The following B3GALT1 variants were observed in gnomAD, a reference collection of about 807,000 sequenced individuals.
B3GALT1 encodes the protein beta-1,3-galactosyltransferase 1.
A neutral mutation model predicts 23.2 loss-of-function variants in B3GALT1; 10 were observed. The observed-to-expected ratio is 0.43, with a 90% CI of 0.27 to 0.73. The LOEUF (loss-of-function observed/expected upper bound fraction) is 0.73. Among genes scored for constraint, B3GALT1 ranks in the 30% least tolerant of loss-of-function variants. The pLI, the probability that B3GALT1 is intolerant of heterozygous loss-of-function variation, is 0.21. For synonymous variants in B3GALT1, 156 were observed against 141.5 expected, an observed-to-expected ratio of 1.10 and a Z score of -0.73; for missense variants, 299 against 405.4, an observed-to-expected ratio of 0.74 and a Z score of 2.25.
At chr2:167,855,720 A>G (rs1689987989) in intron 4 of B3GALT1, among the ~76,000 whole-genome samples, 2 of 152,154 alleles carry the variant, frequency 1.3e-5, no homozygotes, top group Non-Finnish European at 1.5e-5. Flanking sequence ...TCATGTGTTT[A>G]AAACAAGGAC....
At chr2:167,806,616 G>A (rs879387006) in intron 3 of B3GALT1, among the ~76,000 whole-genome samples, 41 of 152,238 alleles carry the variant, frequency 2.7e-4, no homozygotes, top group Non-Finnish European at 4.4e-4. Context: ...GCTGGATTAC[G>A]TTTATTGATT....
Position 167,590,319 on chromosome 2 carries a change from C to T in B3GALT1, c.-409-56590C>T, listed in dbSNP as rs907122722. Among the ~76,000 whole-genome samples, 5 of 146,530 alleles carry T rather than the reference C, an allele frequency of 3.4e-5. No homozygotes were observed. In the Admixed American group the frequency reaches 3.5e-4, roughly 10 times the overall value. On this transcript the variant is annotated intron_variant, in intron 2 of 4. Transcript: ENST00000392690. ...TGAGATCGTGCCACTGCACTCCAGCCTGGGCGACAGAGCAAGACTCTGTCT... is the reference window on the plus strand; with the variant it reads ...TGAGATCGTGCCACTGCACTCCAGCTTGGGCGACAGAGCAAGACTCTGTCT...
intron 3 of B3GALT1, among the ~76,000 whole-genome samples, chr2:167,806,040 T>G (rs1033012588): frequency 6.6e-6 from 1 of 152,146 alleles, no homozygotes; most frequent in African/African-American, 2.4e-5. Context: ...AAGAGGTCCT[T>G]CACATCCCTT....
chr2:167,346,981 G>C (rs149036728), intron 1 of B3GALT1, among the ~76,000 whole-genome samples: 62 of 152,194 alleles, frequency 4.1e-4, no homozygotes, highest in African/African-American at 1.4e-3. Flanking sequence ...TCATATAAAT[G>C]TAGTTATTAT....
intron 3 of B3GALT1, among the ~76,000 whole-genome samples, chr2:167,675,439 G>A (rs1686408772): frequency 6.6e-6 from 1 of 152,096 alleles, no homozygotes; most frequent in Non-Finnish European, 1.5e-5. Flanking sequence ...CAATCTAAAG[G>A]AAAAATATAT....
chr2:167,817,505 A>G (rs958617441), intron 3 of B3GALT1, among the ~76,000 whole-genome samples: 2 of 152,210 alleles, frequency 1.3e-5, no homozygotes, highest in African/African-American at 4.8e-5. Context: ...TGGCTGAGTC[A>G]GTCTCTAAAC....
intron 3 of B3GALT1, among the ~76,000 whole-genome samples, chr2:167,733,004 G>A (rs1304274382): frequency 6.6e-6 from 1 of 152,174 alleles, no homozygotes. Context: ...AAAGAAATAA[G>A]GCAAAAGGTT....
chr2:167,637,479 A>G (rs1685576651), intron 2 of B3GALT1, among the ~76,000 whole-genome samples: 1 of 151,988 alleles, frequency 6.6e-6, no homozygotes, highest in Non-Finnish European at 1.5e-5. Context: ...ATCACCCTCA[A>G]GTACTTCTCA....
At chr2:167,296,492 C>G (rs964910385) in intron 1 of B3GALT1, among the ~76,000 whole-genome samples, 2 of 151,994 alleles carry the variant, frequency 1.3e-5, no homozygotes, top group African/African-American at 4.8e-5. Context: ...CTCTTTCTTT[C>G]GCTCTCTCTC....
rs1258327429 is a variant in B3GALT1, at chr2:167,426,819, A to G, written c.-510-63358A>G. On this transcript the variant is annotated intron_variant, in intron 1 of 4. Transcript: ENST00000392690. ...TCCGCAAAATGATGTAGCATTATCA[A>G]GTTAAGTTGAAGATGCACATACCCT... Among the ~76,000 whole-genome samples the G allele has an allele frequency of 3.9e-5, 6 of 152,232 alleles. No individual in the cohort carries two copies. The East Asian group carries it at 9.6e-4, about 24-fold the overall frequency.
chr2:167,539,193 T>A (rs999987796), intron 2 of B3GALT1, among the ~76,000 whole-genome samples: 1 of 152,004 alleles, frequency 6.6e-6, no homozygotes, highest in Non-Finnish European at 1.5e-5. Context: ...TTTTCCCCAA[T>A]AGTGTAAACA....
At chr2:167,570,646 AAAAT>A (rs1382579386) in intron 2 of B3GALT1, among the ~76,000 whole-genome samples, 1 of 152,004 alleles carries the variant, frequency 6.6e-6, no homozygotes, top group Non-Finnish European at 1.5e-5. Context: ...GTTAAGTCAA[AAAAT>A]AAATACAGAA....
intron 2 of B3GALT1, among the ~76,000 whole-genome samples, chr2:167,498,759 A>C (rs554548585): frequency 9.2e-5 from 14 of 152,232 alleles, no homozygotes; most frequent in African/African-American, 3.4e-4. Context: ...TTCATATTCC[A>C]AGTCAATTCT....
intron 2 of B3GALT1, among the ~76,000 whole-genome samples, chr2:167,548,728 C>T (rs976708389): frequency 8.3e-6 from 1 of 120,384 alleles, no homozygotes; most frequent in African/African-American, 3.0e-5. Flanking sequence ...ATGTGTGTGT[C>T]TATGTATGAA....
intron 2 of B3GALT1, among the ~76,000 whole-genome samples, chr2:167,515,369 G>A (rs1335510268): frequency 6.6e-6 from 1 of 152,106 alleles, no homozygotes; most frequent in African/African-American, 2.4e-5. Flanking sequence ...TACTTCAGAT[G>A]GAGAAGGTCT....
At chr2:167,357,375 A>T (rs914238321) in intron 1 of B3GALT1, among the ~76,000 whole-genome samples, 3 of 152,094 alleles carry the variant, frequency 2.0e-5, no homozygotes, top group Non-Finnish European at 2.9e-5. Flanking sequence ...TAATTTTAAA[A>T]AATATTATTC....
chr2:167,594,201 T>C (rs921027488), intron 2 of B3GALT1, among the ~76,000 whole-genome samples: 6 of 152,120 alleles, frequency 3.9e-5, no homozygotes, highest in Non-Finnish European at 7.4e-5. Flanking sequence ...GTAGTGTAGA[T>C]GTCAAAGTCA....
At chr2:167,441,891 T>A (rs571053279) in intron 1 of B3GALT1, among the ~76,000 whole-genome samples, 2 of 151,984 alleles carry the variant, frequency 1.3e-5, no homozygotes, top group Non-Finnish European at 2.9e-5. Flanking sequence ...TTATTTTTTT[T>A]ATTATACTTT....
At chr2:167,334,759 A>G (rs1358527686) in intron 1 of B3GALT1, among the ~76,000 whole-genome samples, 1 of 152,168 alleles carries the variant, frequency 6.6e-6, no homozygotes, top group Non-Finnish European at 1.5e-5. Flanking sequence ...GAGATGTTTT[A>G]ACAACAGAGA....
Sources: allele counts gnomAD v4.1 joint callset (sites outside exome capture counted in the v4.1 genomes callset), GRCh38; gene constraint gnomAD v4.1.1; transcripts MANE v1.5; gene names NCBI Gene and HGNC (gene_info 2026-07-23, HGNC 2026-07-21).